Variants in PKN2 observed in about 807,000 individuals in gnomAD.
PKN2 encodes protein kinase N2.
In PKN2, 38 loss-of-function variants were observed where a neutral mutation model predicts 119.1. That is an observed-to-expected ratio of 0.32 (90% CI 0.25 to 0.42). PKN2 has a LOEUF of 0.42. Ranked by LOEUF, PKN2 falls within the 10% of genes least tolerant of loss-of-function variation. PKN2 has a pLI of 1.00. For synonymous variants in PKN2, 390 were observed against 384.9 expected (o/e 1.01, Z -0.15); for missense variants, 850 against 1,165.1 (o/e 0.73, Z 3.94).
intron 8 of PKN2, among the ~76,000 whole-genome samples, chr1:88,802,068 C>A (rs1671334081): frequency 6.6e-6 from 1 of 152,152 alleles, no homozygotes; most frequent in Non-Finnish European, 1.5e-5. Flanking sequence ...TGGGCCTGTC[C>A]AGACATGCTT....
At chr1:88,792,847 T>G (rs1670902379) in intron 8 of PKN2, among the ~76,000 whole-genome samples, 1 of 152,202 alleles carries the variant, frequency 6.6e-6, no homozygotes, top group African/African-American at 2.4e-5. Context: ...CTCCCCTTCT[T>G]GGGAGCGCTT....
At chr1:88,804,305 T>C (rs1276286367) in intron 8 of PKN2, 86 bp from the exon 9 acceptor site, 1 of 1,057,862 alleles carries the variant, frequency 9.5e-7, no homozygotes, top group Non-Finnish European at 1.4e-6. Context: ...TGTATTTGTA[T>C]TTCATATTTT....
At chr1:88,802,414 C>T (rs1399127130) in intron 8 of PKN2, among the ~76,000 whole-genome samples, 1 of 152,030 alleles carries the variant, frequency 6.6e-6, no homozygotes, top group Non-Finnish European at 1.5e-5. Flanking sequence ...CAACCTCCAC[C>T]TCCTGGGTTT....
intron 8 of PKN2, among the ~76,000 whole-genome samples, chr1:88,787,017 T>G (rs1357086628): frequency 6.6e-6 from 1 of 151,080 alleles, no homozygotes; most frequent in Non-Finnish European, 1.5e-5. Context: ...ACCAAAACAT[T>G]TTTAAAGCAT....
intron 4 of PKN2, 40 bp downstream of exon 4, chr1:88,770,509 G>A: frequency 9.6e-7 from 1 of 1,045,582 alleles, no homozygotes; most frequent in Non-Finnish European, 1.5e-6. Flanking sequence ...GAGCATAATG[G>A]TGCTAAATAA....
chr1:88,770,089 A>G (rs1460072495), intron 3 of PKN2, among the ~76,000 whole-genome samples: 1 of 152,226 alleles, frequency 6.6e-6, no homozygotes. Flanking sequence ...TAAAAAATAA[A>G]TTTTAAAAAT....
At chr1:88,829,330 A>ATG in intron 19 of PKN2, 1 of 487,250 alleles carries the variant, frequency 2.1e-6, no homozygotes, top group Non-Finnish European at 4.0e-6. Flanking sequence ...TATTCGCTAC[A>ATG]CCAACAGCTC....
At chr1:88,773,109 T>C (rs571502570) in intron 6 of PKN2, among the ~76,000 whole-genome samples, 1 of 152,228 alleles carries the variant, frequency 6.6e-6, no homozygotes, top group Non-Finnish European at 1.5e-5. Flanking sequence ...AAATCTGTTT[T>C]GTCTGATTTT....
At chr1:88,735,602 A>ACTCCACCCCCCCC (rs1668309142) in intron 1 of PKN2, among the ~76,000 whole-genome samples, 1 of 51,504 alleles carries the variant, frequency 1.9e-5, no homozygotes, top group Non-Finnish European at 3.9e-5. Flanking sequence ...TTGACAGCCC[A>ACTCCACCCCCCCC]CCCCCCCCCC....
intron 8 of PKN2, among the ~76,000 whole-genome samples, chr1:88,801,929 C>T (rs1440662652): frequency 6.6e-6 from 1 of 152,170 alleles, no homozygotes; most frequent in Admixed American, 6.5e-5. Context: ...TGCTAATAAC[C>T]TAAAACTTTC....
chr1:88,814,197 A>G (rs1671893775), intron 16 of PKN2, among the ~76,000 whole-genome samples: 1 of 152,218 alleles, frequency 6.6e-6, no homozygotes, highest in African/African-American at 2.4e-5. Flanking sequence ...TGCGTAAAAT[A>G]TCTCTGAACA....
At chr1:88,703,962 CT>C (rs199782130) in intron 1 of PKN2, among the ~76,000 whole-genome samples, 9 of 150,422 alleles carry the variant, frequency 6.0e-5, no homozygotes, top group Admixed American at 3.3e-4. Context: ...CTTAAAAAGG[CT>C]TTTTTTTTCA....
intron 8 of PKN2, among the ~76,000 whole-genome samples, chr1:88,801,320 G>A (rs1671299596): frequency 6.6e-6 from 1 of 152,168 alleles, no homozygotes; most frequent in Non-Finnish European, 1.5e-5. Context: ...GGGAGGCAGA[G>A]GTTGCAGTGA....
intron 1 of PKN2, among the ~76,000 whole-genome samples, chr1:88,703,056 T>C (rs1177950052): frequency 6.6e-6 from 1 of 152,184 alleles, no homozygotes; most frequent in African/African-American, 2.4e-5. Flanking sequence ...CTTGTGATCC[T>C]ACCTTCCCGC....
intron 8 of PKN2, 109 bp from the exon 9 acceptor site, chr1:88,804,281 TA>T: frequency 1.3e-6 from 1 of 793,674 alleles, no homozygotes. Context: ...TTTGTGTGTG[TA>T]ATTTTTGTTT....
At position 88,724,449 on chromosome 1, in the gene PKN2, T is replaced by C. The variant is rs577316174; in HGVS notation, c.49-16539T>C. On this transcript the variant is annotated intron_variant, in intron 1 of 21. Coordinates refer to ENST00000370521, the MANE Select transcript of PKN2 (RefSeq NM_006256.4). ...CTCGTTTTCAAGTATCATCTTGTTATGCTACCTATTTTTTTGATTCATTAC... is the reference window on the plus strand; with the variant it reads ...CTCGTTTTCAAGTATCATCTTGTTACGCTACCTATTTTTTTGATTCATTAC... 2.0e-5 allele frequency among the ~76,000 whole-genome samples: 3 copies of C among 152,334 alleles called. No homozygotes were observed. In the South Asian group the frequency reaches 6.2e-4, roughly 32 times the overall value.
At chr1:88,809,666 C>A (rs1483701596) in intron 15 of PKN2, among the ~76,000 whole-genome samples, 1 of 152,140 alleles carries the variant, frequency 6.6e-6, no homozygotes, top group Non-Finnish European at 1.5e-5. Flanking sequence ...GTGTCACCCA[C>A]ACTGGAGTGC....
intron 15 of PKN2, 51 bp from the exon 16 acceptor site, chr1:88,813,506 C>G: frequency 8.0e-7 from 1 of 1,252,938 alleles, no homozygotes; most frequent in Non-Finnish European, 1.1e-6. Context: ...AATGTTATTT[C>G]CAACTAGAAT....
At chr1:88,739,226 A>C (rs1353931681) in intron 1 of PKN2, among the ~76,000 whole-genome samples, 1 of 152,106 alleles carries the variant, frequency 6.6e-6, no homozygotes, top group African/African-American at 2.4e-5. Context: ...TAAACCCAGC[A>C]CTTTGGGACG....
Sources: gnomAD v4.1 joint callset for allele counts (sites outside exome capture counted in the v4.1 genomes callset) on GRCh38, gnomAD v4.1.1 for gene constraint, MANE v1.5 for transcripts, NCBI Gene and HGNC (gene_info 2026-07-23, HGNC 2026-07-21) for gene names.